The following DLGAP2 variants were observed in gnomAD, a reference collection of about 807,000 sequenced individuals.
The protein encoded by DLGAP2 is DLG associated protein 2.
Under a neutral mutation model 100.3 loss-of-function variants are expected in DLGAP2, and 26 were observed. The observed-to-expected ratio is 0.26, with a 90% CI of 0.19 to 0.36. The LOEUF is 0.36. Ranked by LOEUF, DLGAP2 falls within the 10% of genes least tolerant of loss-of-function variation. The probability of loss-of-function intolerance (pLI) is 1.00; values close to 1 mark genes in which losing one functional copy is unlikely to be tolerated. For synonymous variants in DLGAP2, 886 were observed against 630.1 expected (o/e 1.41, Z -6.08); for missense variants, 1,858 against 1,453.2 (o/e 1.28, Z -4.53).
chr8:1,231,807 G>GAGGA (rs1798541392), intron 2 of DLGAP2, among the ~76,000 whole-genome samples: 2 of 152,112 alleles, frequency 1.3e-5, no homozygotes, highest in Non-Finnish European at 2.9e-5. Context: ...GCCGCTAGAG[G>GAGGA]AGGAAGGAAG....
intron 2 of DLGAP2, among the ~76,000 whole-genome samples, chr8:1,237,210 G>T (rs1349074792): frequency 1.5e-5 from 2 of 136,828 alleles, no homozygotes; most frequent in South Asian, 2.4e-4. Flanking sequence ...ACGTGGTGCC[G>T]TGTCTAGTTC....
At chr8:1,442,304 C>A (rs1024360146) in intron 3 of DLGAP2, among the ~76,000 whole-genome samples, 1 of 141,756 alleles carries the variant, frequency 7.1e-6, no homozygotes, top group African/African-American at 2.7e-5. Flanking sequence ...CATAGACCTG[C>A]CAGGCTGCTG....
At chr8:1,565,993 T>A in intron 6 of DLGAP2, 99 bp downstream of exon 6, 2 of 1,031,622 alleles carry the variant, frequency 1.9e-6, no homozygotes, top group Non-Finnish European at 2.7e-6. Context: ...GCCATCCATT[T>A]AAACTAAATT....
intron 2 of DLGAP2, among the ~76,000 whole-genome samples, chr8:994,360 C>G (rs1429601378): frequency 6.6e-6 from 1 of 152,090 alleles, no homozygotes; most frequent in Non-Finnish European, 1.5e-5. Context: ...GCCACCATGC[C>G]TGGCTAATTT....
chr8:1,385,707 G>A (rs1271769528), intron 3 of DLGAP2, among the ~76,000 whole-genome samples: 4 of 125,050 alleles, frequency 3.2e-5, no homozygotes, highest in East Asian at 2.6e-4. Context: ...ACAATTACCC[G>A]GCCTGTGCCC....
chr8:1,281,952 C>G (rs912417978), intron 3 of DLGAP2, among the ~76,000 whole-genome samples: 1 of 150,504 alleles, frequency 6.6e-6, no homozygotes, highest in African/African-American at 2.5e-5. Context: ...GCACCAGGGC[C>G]GCAAACCATC....
At chr8:1,341,322 T>A (rs187589161) in intron 3 of DLGAP2, among the ~76,000 whole-genome samples, 13 of 152,350 alleles carry the variant, frequency 8.5e-5, no homozygotes, top group Admixed American at 8.5e-4. Context: ...TCCCCCAGCA[T>A]TTTTCAACAG....
intron 1 of DLGAP2, among the ~76,000 whole-genome samples, chr8:771,051 G>A (rs1272601436): frequency 6.6e-6 from 1 of 152,078 alleles, no homozygotes. Flanking sequence ...GTGCCTTCCA[G>A]CTCCATTTCT....
intron 1 of DLGAP2, among the ~76,000 whole-genome samples, chr8:787,537 A>C (rs1344125137): frequency 6.6e-6 from 1 of 152,204 alleles, no homozygotes; most frequent in Non-Finnish European, 1.5e-5. Flanking sequence ...TGCAGGGGGC[A>C]CTGGCCCATG....
intron 1 of DLGAP2, among the ~76,000 whole-genome samples, chr8:782,534 A>C (rs1821722022): frequency 6.6e-6 from 1 of 152,232 alleles, no homozygotes; most frequent in Non-Finnish European, 1.5e-5. Context: ...TCAATATTTG[A>C]TGAAATATGT....
At chr8:1,052,046 C>A (rs999376038) in intron 2 of DLGAP2, among the ~76,000 whole-genome samples, 1 of 152,190 alleles carries the variant, frequency 6.6e-6, no homozygotes, top group Non-Finnish European at 1.5e-5. Flanking sequence ...CCAGGCTCAA[C>A]ACGCCTGCCG....
chr8:936,642 C>G (rs1012795521), intron 2 of DLGAP2, among the ~76,000 whole-genome samples: 3 of 152,106 alleles, frequency 2.0e-5, no homozygotes, highest in African/African-American at 7.2e-5. Context: ...TGAGCTGGAG[C>G]CTAGTTGGAA....
intron 3 of DLGAP2, among the ~76,000 whole-genome samples, chr8:1,391,420 G>T (rs1488098230): frequency 2.0e-5 from 3 of 152,314 alleles, no homozygotes; most frequent in African/African-American, 7.2e-5. Flanking sequence ...GGGACACCAG[G>T]CTGTGGCTGC....
chr8:750,727 C>G (rs1214591613), intron 1 of DLGAP2, among the ~76,000 whole-genome samples: 3 of 152,250 alleles, frequency 2.0e-5, no homozygotes, highest in African/African-American at 7.2e-5. Flanking sequence ...ATGCAGCCCC[C>G]ACGGCTCGCC....
At chr8:1,325,036 G>C in intron 3 of DLGAP2, among the ~76,000 whole-genome samples, 1 of 152,110 alleles carries the variant, frequency 6.6e-6, no homozygotes, top group Non-Finnish European at 1.5e-5. Context: ...TCTCAGTTTA[G>C]ACCTCTCAAC....
intron 8 of DLGAP2, among the ~76,000 whole-genome samples, chr8:1,656,449 C>A (rs1446589272): frequency 3.3e-5 from 5 of 152,200 alleles, no homozygotes; most frequent in African/African-American, 9.7e-5. Context: ...AGTCTCCCAC[C>A]CCTTCACTCT....
intron 6 of DLGAP2, among the ~76,000 whole-genome samples, chr8:1,625,860 A>T (rs1436407123): frequency 6.6e-6 from 1 of 152,336 alleles, no homozygotes; most frequent in African/African-American, 2.4e-5. Context: ...TGAATCTCAG[A>T]ATATTTGCAT....
intron 3 of DLGAP2, among the ~76,000 whole-genome samples, chr8:1,322,778 C>T (rs912238422): frequency 6.6e-6 from 1 of 152,260 alleles, no homozygotes; most frequent in Admixed American, 6.5e-5. Flanking sequence ...CTCCTCCCCC[C>T]TGCATCAGGG....
intron 3 of DLGAP2, chr8:1,368,739 C>A (rs1291282201): frequency 6.6e-6 from 1 of 152,154 alleles, no homozygotes; most frequent in Non-Finnish European, 1.5e-5. Context: ...TCTAATAATT[C>A]ATTATCTGCT....
Sources: gnomAD v4.1 joint callset for allele counts (sites outside exome capture counted in the v4.1 genomes callset) on GRCh38, gnomAD v4.1.1 for gene constraint, MANE v1.5 for transcripts, NCBI Gene and HGNC (gene_info 2026-07-23, HGNC 2026-07-21) for gene names.